The following GTF2E2 variants were observed in gnomAD, a reference collection of about 807,000 sequenced individuals.
GTF2E2 encodes the protein general transcription factor IIE subunit 2.
GTF2E2 carries 21 observed loss-of-function variants against 40.5 expected under a neutral mutation model. The observed-to-expected ratio is 0.52, with a 90% CI of 0.37 to 0.75. The LOEUF is 0.75. Ranked by LOEUF, GTF2E2 falls within the 30% of genes least tolerant of loss-of-function variation. The pLI is 0.00. For synonymous variants in GTF2E2, 117 were observed against 121.6 expected (o/e 0.96, Z 0.25); for missense variants, 298 against 338.4 (o/e 0.88, Z 0.94).
chr8:30,611,644 A>G (rs1273815641), intron 5 of GTF2E2, among the ~76,000 whole-genome samples: 1 of 152,222 alleles, frequency 6.6e-6, no homozygotes, highest in Non-Finnish European at 1.5e-5. Context: ...ATTGAAATAA[A>G]TAAACAGAGC....
At chr8:30,600,244 CTGTT>C (rs1449963057) in intron 6 of GTF2E2, among the ~76,000 whole-genome samples, 3 of 152,340 alleles carry the variant, frequency 2.0e-5, no homozygotes, top group African/African-American at 7.2e-5. Flanking sequence ...TCTTTGCTAT[CTGTT>C]TAACCAAACA....
chr8:30,658,013 T>TCCTGCG lies in GTF2E2; in HGVS notation c.-51_-46dup, dbSNP rs1273664517. ...AGCCTCGCACGACTCGCCGCCCCCT[T>TCCTGCG]CCTGCGCCTCCGCCTCGGCCGGCCG... On this transcript the variant is annotated 5_prime_UTR_variant, in exon 1 of 8. Coordinates refer to ENST00000355904, the MANE Select transcript of GTF2E2 (RefSeq NM_002095.6). The TCCTGCG allele has an allele frequency of 6.5e-6, 1 of 154,964 alleles. No homozygotes were observed. The highest frequency in any genetic ancestry group is 1.4e-5 in the Non-Finnish European group (1 of 70,166). 9.6% of individuals were successfully genotyped at this position (154,964 alleles called of 1,614,324 possible).
intron 3 of GTF2E2, among the ~76,000 whole-genome samples, chr8:30,623,987 T>C (rs1801191146): frequency 6.6e-6 from 1 of 152,248 alleles, no homozygotes; most frequent in Non-Finnish European, 1.5e-5. Flanking sequence ...TGGTAGTTTC[T>C]TTTGCTGTGC....
In GTF2E2 at chr8:30,595,912, T is replaced by G. The variant is rs148719854; in HGVS notation, c.643+11145A>C. Among the ~76,000 whole-genome samples the G allele has an allele frequency of 6.7e-4, 102 of 152,282 alleles. 2 individuals are homozygous for G. The East Asian group carries it at 0.017, about 25-fold the overall frequency. ...AGAAAAGAAAAGAAAAGATTATTTT[T>G]GCTGTGTACGGAATTCTGGGTTGAA... On this transcript the variant is annotated intron_variant, in intron 6 of 7. Transcript: ENST00000355904.
chr8:30,620,912 G>C (rs1451428270), intron 3 of GTF2E2, among the ~76,000 whole-genome samples: 1 of 150,472 alleles, frequency 6.6e-6, no homozygotes, highest in Non-Finnish European at 1.5e-5. Context: ...CTGGGAAACA[G>C]AGTGATATTA....
intron 6 of GTF2E2, chr8:30,597,247 C>T (rs545987194): frequency 1.3e-5 from 2 of 152,154 alleles, no homozygotes; most frequent in Non-Finnish European, 2.9e-5. Context: ...GTTCTCTTTC[C>T]ACAGTGGTTT....
intron 3 of GTF2E2, among the ~76,000 whole-genome samples, chr8:30,628,704 G>C (rs562908367): frequency 9.6e-4 from 146 of 152,320 alleles, no homozygotes; most frequent in African/African-American, 3.4e-3. Flanking sequence ...GGCCGAGGCA[G>C]GCAGATCACG....
intron 3 of GTF2E2, among the ~76,000 whole-genome samples, chr8:30,618,254 A>C (rs1368998456): frequency 1.5e-5 from 1 of 66,558 alleles, no homozygotes; most frequent in Non-Finnish European, 2.6e-5. Flanking sequence ...CCGAGGTTGC[A>C]CTATTGCACT....
Position 30,578,859 on chromosome 8 carries a change from A to C in GTF2E2, c.*62T>G. On this transcript the variant is annotated 3_prime_UTR_variant, in exon 8 of 8. Transcript: ENST00000355904. ...ATAGGAAGACAGTCTTCAGACCCCG[A>C]GCATCAGCAAGAACACTCTTGATTG... 1 of 849,866 alleles carries C rather than the reference A, an allele frequency of 1.2e-6. No individual in the cohort carries two copies. The highest frequency in any genetic ancestry group is 2.1e-6 in the Non-Finnish European group (1 of 484,024). The allele number at this position is 849,866 out of a possible 1,614,324, so 52.6% of individuals were successfully genotyped here.
rs1333341004 is a variant in GTF2E2 at position 30,644,125 on chromosome 8, A to T, written c.167-9002T>A. ...TATTTGTTAGAGATCAAGACAGTAAAAACTAATTTAGTTCCTCATTACTAT... is the reference window on the plus strand; with the variant it reads ...TATTTGTTAGAGATCAAGACAGTAATAACTAATTTAGTTCCTCATTACTAT... On this transcript the variant is annotated intron_variant, in intron 2 of 7. Transcript: ENST00000355904. Among the ~76,000 whole-genome samples the T allele has an allele frequency of 2.6e-5, 4 of 152,322 alleles. No homozygotes were observed. The East Asian group carries it at 7.7e-4, about 29-fold the overall frequency.
At chr8:30,630,908 C>T (rs1801421584) in intron 3 of GTF2E2, among the ~76,000 whole-genome samples, 2 of 152,162 alleles carry the variant, frequency 1.3e-5, no homozygotes, top group African/African-American at 4.8e-5. Flanking sequence ...ATTCCCCCTA[C>T]ACCCCCACCT....
At chr8:30,626,867 T>A (rs941774393) in intron 3 of GTF2E2, among the ~76,000 whole-genome samples, 2 of 152,128 alleles carry the variant, frequency 1.3e-5, no homozygotes, top group Non-Finnish European at 2.9e-5. Context: ...CCAGCAAAAG[T>A]GAAAAATCAC....
intron 5 of GTF2E2, among the ~76,000 whole-genome samples, chr8:30,611,572 A>C (rs1829476500): frequency 6.6e-6 from 1 of 152,242 alleles, no homozygotes; most frequent in South Asian, 2.1e-4. Flanking sequence ...TGGGCTTAAC[A>C]AGTTGGAAGT....
chr8:30,635,081 C>T lies in GTF2E2; in HGVS notation c.209G>A (p.Ser70Asn). 6.2e-7 allele frequency: 1 copy of T among 1,609,268 alleles called. No homozygotes were observed. Residue 70 changes from serine (S) to asparagine (N), a missense_variant, in exon 3 of 8, where the codon AGC becomes AAC. Ser to Asn is a conservative substitution (Grantham distance 46). Transcript: ENST00000355904. ...GSFNLKALSG[S>N]SGYKFGVLAK... ...AAGAACACCAAACTTATATCCAGAG[C>T]TTCCTGACAAAGCTTTCAAGTTAAA...
chr8:30,624,885 T>C (rs1429845692), intron 3 of GTF2E2, among the ~76,000 whole-genome samples: 2 of 152,014 alleles, frequency 1.3e-5, no homozygotes, highest in African/African-American at 4.8e-5. Context: ...CTGAAGTTGC[T>C]TATCAGCTTA....
chr8:30,593,028 T>G (rs1828893552), intron 6 of GTF2E2, among the ~76,000 whole-genome samples: 1 of 152,036 alleles, frequency 6.6e-6, no homozygotes, highest in African/African-American at 2.4e-5. Context: ...ACCCCGTCTC[T>G]ACTAAAAATA....
intron 3 of GTF2E2, among the ~76,000 whole-genome samples, chr8:30,620,012 T>C (rs1032110157): frequency 2.6e-5 from 4 of 151,978 alleles, no homozygotes; most frequent in African/African-American, 9.7e-5. Context: ...GAGGAAGGAC[T>C]ATGAGTCAGG....
At chr8:30,644,317 T>C (rs1360386622) in intron 2 of GTF2E2, among the ~76,000 whole-genome samples, 2 of 152,210 alleles carry the variant, frequency 1.3e-5, no homozygotes, top group African/African-American at 4.8e-5. Flanking sequence ...TGAATTTGTC[T>C]GTTTTTTTAA....
At chr8:30,608,267 A>G (rs1027371762) in intron 5 of GTF2E2, among the ~76,000 whole-genome samples, 1 of 152,254 alleles carries the variant, frequency 6.6e-6, no homozygotes, top group African/African-American at 2.4e-5. Flanking sequence ...CTTAAGAATC[A>G]ACAAGCGAAC....
Sources: gnomAD v4.1 joint callset for allele counts (sites outside exome capture counted in the v4.1 genomes callset) on GRCh38, gnomAD v4.1.1 for gene constraint, MANE v1.5 for transcripts, NCBI Gene and HGNC (gene_info 2026-07-23, HGNC 2026-07-21) for gene names.